GRM7: variants seen among roughly 807,000 people sequenced by gnomAD.
The protein encoded by GRM7 is glutamate metabotropic receptor 7.
A neutral mutation model predicts 84.5 loss-of-function variants in GRM7; 35 were observed. The ratio of observed to expected loss-of-function variants is 0.41; its 90% CI spans 0.32 to 0.55. The LOEUF is 0.55. Among genes scored for constraint, GRM7 ranks in the 20% least tolerant of loss-of-function variants. The pLI is 0.19. For synonymous variants in GRM7, 487 were observed against 455.1 expected, an observed-to-expected ratio of 1.07 and a Z score of -0.89; for missense variants, 1,003 against 1,194.6, an observed-to-expected ratio of 0.84 and a Z score of 2.36.
chr3:7,667,406 T>C (rs1326491448), intron 8 of GRM7, among the ~76,000 whole-genome samples: 1 of 152,122 alleles, frequency 6.6e-6, no homozygotes, highest in Non-Finnish European at 1.5e-5. Context: ...CTGAGTACAC[T>C]ATGTAGGAGA....
chr3:7,113,338 C>G (rs1178339830), intron 1 of GRM7, among the ~76,000 whole-genome samples: 1 of 152,154 alleles, frequency 6.6e-6, no homozygotes, highest in African/African-American at 2.4e-5. Context: ...ACAGAGAATT[C>G]TCATATTTCC....
At position 7,634,664 on chromosome 3, in the gene GRM7, T is replaced by G. The variant is rs192990683; in HGVS notation, c.2452-45385T>G. Among the ~76,000 whole-genome samples, 110 of 151,334 alleles carry G rather than the reference T, an allele frequency of 7.3e-4. 1 individual carries two copies. In the East Asian group the frequency reaches 0.021, roughly 28 times the overall value. ...ATAAAATTAGCCGGGCGTGGCGGTGTGCGCCTGTAGTCCAAGCTACTCGGG... is the reference window on the plus strand; with the variant it reads ...ATAAAATTAGCCGGGCGTGGCGGTGGGCGCCTGTAGTCCAAGCTACTCGGG... On this transcript the variant is annotated intron_variant, in intron 8 of 9. Coordinates refer to ENST00000357716, the MANE Select transcript of GRM7 (RefSeq NM_000844.4).
At chr3:6,985,448 C>T (rs1474416423) in intron 1 of GRM7, among the ~76,000 whole-genome samples, 2 of 152,092 alleles carry the variant, frequency 1.3e-5, no homozygotes, top group Non-Finnish European at 2.9e-5. Flanking sequence ...TATGTGAGAA[C>T]ATGTGATGTT....
chr3:7,129,167 T>C (rs1020157301), intron 1 of GRM7, among the ~76,000 whole-genome samples: 68 of 152,186 alleles, frequency 4.5e-4, no homozygotes, highest in African/African-American at 1.6e-3. Context: ...CCTAATGGAA[T>C]TGTATTTTTG....
At chr3:6,979,564 G>T (rs1254964502) in intron 1 of GRM7, among the ~76,000 whole-genome samples, 1 of 152,122 alleles carries the variant, frequency 6.6e-6, no homozygotes, top group Admixed American at 6.5e-5. Flanking sequence ...TCCAAATATA[G>T]AAATTAATTT....
chr3:7,477,624 A>G (rs1007952154), intron 7 of GRM7, among the ~76,000 whole-genome samples: 3 of 152,136 alleles, frequency 2.0e-5, no homozygotes, highest in Non-Finnish European at 4.4e-5. Flanking sequence ...TTTCTTTCTG[A>G]GATGTGCGTC....
intron 2 of GRM7, among the ~76,000 whole-genome samples, chr3:7,164,839 G>A (rs1027452116): frequency 6.6e-6 from 1 of 152,198 alleles, no homozygotes; most frequent in Non-Finnish European, 1.5e-5. Flanking sequence ...TAGACTCAAA[G>A]GCAGAGTCTA....
chr3:7,734,508 G>C (rs1258623298), intron 9 of GRM7, among the ~76,000 whole-genome samples: 1 of 152,198 alleles, frequency 6.6e-6, no homozygotes, highest in African/African-American at 2.4e-5. Flanking sequence ...GTAATATTTT[G>C]TTAGATGAAT....
Position 7,525,822 on chromosome 3 carries a change from TCTGTATTGATTCA to T in GRM7, c.1516-52597_1516-52585del, listed in dbSNP as rs556021197. On this transcript the variant is annotated intron_variant, in intron 7 of 9. Transcript: ENST00000357716. ...AACATGTGATATTTGGTTTTTTATT[TCTGTATTGATTCA>T]CTTAGGATAATAGCCTTCAGCTCCA... Among the ~76,000 whole-genome samples, 504 of 152,222 alleles carry T rather than the reference TCTGTATTGATTCA, an allele frequency of 3.3e-3. 1 individual carries two copies. The highest frequency in any genetic ancestry group is 5.8e-3 in the Non-Finnish European group (393 of 67,994).
Position 7,677,732 on chromosome 3 carries a change from A to C in GRM7, c.2452-2317A>C, listed in dbSNP as rs111975411. Reference sequence around the variant, plus strand: ...GTTGTAGAGTCCTAAATTGCTAAGTAGTCTTTGTTAAGAAAAAGTATGTAT... The same window carrying C: ...GTTGTAGAGTCCTAAATTGCTAAGTCGTCTTTGTTAAGAAAAAGTATGTAT... On this transcript the variant is annotated intron_variant, in intron 8 of 9. Coordinates refer to ENST00000357716, the MANE Select transcript of GRM7 (RefSeq NM_000844.4). 5.1e-4 allele frequency among the ~76,000 whole-genome samples: 77 copies of C among 152,334 alleles called. 1 individual carries two copies. Among genetic ancestry groups the C allele is most frequent in the African/African-American group, 1.8e-3 (75 of 41,580 alleles).
chr3:7,370,264 G>T lies in GRM7; in HGVS notation c.1034-44759G>T, dbSNP rs183712200. Among the ~76,000 whole-genome samples the T allele has an allele frequency of 2.0e-5, 3 of 152,252 alleles. No homozygotes were observed. In the East Asian group the frequency reaches 5.8e-4, roughly 29 times the overall value. On this transcript the variant is annotated intron_variant, in intron 4 of 9. Coordinates refer to ENST00000357716, the MANE Select transcript of GRM7 (RefSeq NM_000844.4). Reference sequence around the variant, plus strand: ...TTCATAAGATCCCCAATGCCCATCAGTATTAAGTGTTGATGTGATTCCTCC... The same window carrying T: ...TTCATAAGATCCCCAATGCCCATCATTATTAAGTGTTGATGTGATTCCTCC...
In GRM7 at chr3:7,386,252, A is replaced by G. The variant is rs150565252; in HGVS notation, c.1034-28771A>G. ...GCAACTAAATTGTATGTAATTTTCA[A>G]TTTTTAAAGTTCTTTTTTAATGTTT... On this transcript the variant is annotated intron_variant, in intron 4 of 9. Transcript: ENST00000357716. 3.3e-3 allele frequency among the ~76,000 whole-genome samples: 499 copies of G among 152,282 alleles called. 10 individuals are homozygous for G. Among genetic ancestry groups the G allele is most frequent in the Admixed American group, 0.025 (383 of 15,292 alleles).
At chr3:7,607,565 C>A (rs1305174418) in intron 8 of GRM7, 1 of 151,992 alleles carries the variant, frequency 6.6e-6, no homozygotes, top group African/African-American at 2.4e-5. Context: ...ACTAGTGCCC[C>A]TAAGTCTAGG....
intron 5 of GRM7, among the ~76,000 whole-genome samples, chr3:7,444,705 C>T (rs1697432093): frequency 6.6e-6 from 1 of 152,110 alleles, no homozygotes; most frequent in Admixed American, 6.6e-5. Context: ...CACCATCCAC[C>T]CCCTGCTCCC....
chr3:7,311,152 A>T (rs1485778786), intron 4 of GRM7, among the ~76,000 whole-genome samples: 1 of 152,192 alleles, frequency 6.6e-6, no homozygotes, highest in Non-Finnish European at 1.5e-5. Context: ...AATCTTTTTA[A>T]AAAAGATAGA....
chr3:6,867,990 A>T (rs900529295), intron 1 of GRM7, among the ~76,000 whole-genome samples: 1 of 152,228 alleles, frequency 6.6e-6, no homozygotes, highest in Admixed American at 6.5e-5. Context: ...ATGATATAGG[A>T]TATATGTCAC....
At chr3:7,068,654 G>T (rs188933520) in intron 1 of GRM7, among the ~76,000 whole-genome samples, 13 of 152,050 alleles carry the variant, frequency 8.5e-5, no homozygotes, top group South Asian at 2.1e-4. Flanking sequence ...TTGCAGAGTT[G>T]AATAGGGTTT....
intron 7 of GRM7, among the ~76,000 whole-genome samples, chr3:7,462,854 A>G (rs1575374659): frequency 1.3e-5 from 2 of 152,304 alleles, no homozygotes; most frequent in East Asian, 3.9e-4. Flanking sequence ...GGTTGGAATC[A>G]ACAGGTACCG....
At chr3:7,529,956 T>C (rs1204192397) in intron 7 of GRM7, among the ~76,000 whole-genome samples, 1 of 151,954 alleles carries the variant, frequency 6.6e-6, no homozygotes, top group Non-Finnish European at 1.5e-5. Context: ...TATTTCTTTT[T>C]ATACTTTTAA....
Sources: gnomAD v4.1 joint callset for allele counts (sites outside exome capture counted in the v4.1 genomes callset) on GRCh38, gnomAD v4.1.1 for gene constraint, MANE v1.5 for transcripts, NCBI Gene and HGNC (gene_info 2026-07-23, HGNC 2026-07-21) for gene names.